Variants in OPTC observed in about 807,000 individuals in gnomAD.
The protein encoded by OPTC is opticin.
In OPTC, 22 loss-of-function variants were observed where a neutral mutation model predicts 25.4. That is an observed-to-expected ratio of 0.87 (90% CI 0.62 to 1.24). OPTC has a LOEUF of 1.24. OPTC is among the 50% of genes most tolerant of loss of function. The pLI, the probability that OPTC is intolerant of heterozygous loss-of-function variation, is 0.00. For missense variants in OPTC, 417 were observed against 425.2 expected (o/e 0.98, Z 0.17); for synonymous variants, 169 against 179.3 (o/e 0.94, Z 0.46).
rs747814 is a variant in OPTC, at chr1:203,498,712, C to T, written c.402C>T (p.Leu134=). Residue 134 remains leucine (L), a synonymous_variant, in exon 4 of 8, where the codon CTC becomes CTT. Coordinates refer to ENST00000367222, the MANE Select transcript of OPTC (RefSeq NM_014359.4). ...GLPTCLVCVC[L]GSSVYCDDID... The stretch of plus-strand genomic sequence containing the variant: ...CCACCTGCCTGGTCTGCGTGTGCCT[C>T]GGTTCCTCTGTGTATTGCGATGACA... 1.8e-3 allele frequency: 2,975 copies of T among 1,614,216 alleles called. 22 individuals are homozygous for T. The African/African-American group carries it at 0.021, about 11-fold the overall frequency.
intron 7 of OPTC, among the ~76,000 whole-genome samples, chr1:203,507,237 C>T (rs1661508926): frequency 6.6e-6 from 1 of 152,174 alleles, no homozygotes; most frequent in South Asian, 2.1e-4. Flanking sequence ...GCAGAGAGCA[C>T]CTCTTTAGCC....
At position 203,503,695 on chromosome 1, in the gene OPTC, G is replaced by A. The variant is rs572106049; in HGVS notation, c.974G>A (p.Arg325Gln). 2.5e-5 allele frequency: 40 copies of A among 1,609,988 alleles called. No homozygotes were observed. In the South Asian group the frequency reaches 2.6e-4, roughly 11 times the overall value. Residue 325 changes from arginine to glutamine, a missense_variant, in exon 7 of 8, where the codon CGG (arginine) becomes CAG (glutamine). Physicochemically the swap from Arg to Gln is conservative, Grantham distance 43 (BLOSUM62 1). Transcript: ENST00000367222. Reference protein sequence around the residue: ...LFPSAYFCLPRLPIGRFT With the variant: ...LFPSAYFCLPQLPIGRFT ...CCCAGCGCCTACTTCTGCCTGCCTC[G>A]GCTCCCCATCGGCCGCTTCACGTAG...
rs775267242 is a variant in OPTC, at chr1:203,502,969, C to G, written c.788C>G (p.Pro263Arg). 6.2e-7 allele frequency: 1 copy of G among 1,613,840 alleles called. No individual in the cohort carries two copies. The highest frequency in any genetic ancestry group is 8.5e-7 in the Non-Finnish European group (1 of 1,180,038). ...YLSDNLLDSI[P>R]GPLPLSLRSV... Reference sequence around the variant, plus strand: ...TCAGACAACCTGCTGGATTCTATCCCGGGGCCTTTGCCCCTGAGCCTGCGC... The same window carrying G: ...TCAGACAACCTGCTGGATTCTATCCGGGGGCCTTTGCCCCTGAGCCTGCGC... Residue 263 changes from proline (P) to arginine (R), a missense_variant, in exon 6 of 8, where the codon CCG (proline) becomes CGG (arginine). Physicochemically the swap from Pro to Arg is moderately radical, Grantham distance 103 (BLOSUM62 -2). Transcript: ENST00000367222.
Position 203,497,133 on chromosome 1 carries a change from T to C in OPTC, c.370+18T>C, listed in dbSNP as rs1446469843. 1 of 1,613,854 alleles carries C rather than the reference T, an allele frequency of 6.2e-7. No homozygotes were observed. Among genetic ancestry groups the C allele is most frequent in the South Asian group, 1.1e-5 (1 of 91,074 alleles). On this transcript the variant is annotated intron_variant, in intron 3 of 7. Transcript: ENST00000367222. ...CAACCATGGTAAGTGCACAGTCACATGGTCGCAATATCCCTAGGTCATAGG... is the reference window on the plus strand; with the variant it reads ...CAACCATGGTAAGTGCACAGTCACACGGTCGCAATATCCCTAGGTCATAGG...
intron 3 of OPTC, among the ~76,000 whole-genome samples, chr1:203,497,887 T>C (rs1320988732): frequency 6.6e-6 from 1 of 152,162 alleles, no homozygotes; most frequent in Non-Finnish European, 1.5e-5. Context: ...CCCTCTGCTC[T>C]ACCCACTCCT....
intron 4 of OPTC, 35 bp from the exon 5 acceptor site, chr1:203,499,614 G>T: frequency 6.4e-7 from 1 of 1,551,286 alleles, no homozygotes. Flanking sequence ...AGTGTGTTCT[G>T]GTTTCTCTCT....
chr1:203,500,492 T>C (rs76159015), intron 5 of OPTC, among the ~76,000 whole-genome samples: 26,774 of 144,948 alleles, frequency 0.18, 3,244 homozygotes, highest in African/African-American at 0.34. Flanking sequence ...TACCCACCTG[T>C]ACCACCCACC....
Position 203,496,960 on chromosome 1 carries a change from CT to C in OPTC, c.232-16del. The C allele has an allele frequency of 6.2e-7, 1 of 1,614,072 alleles. No homozygotes were observed. Among genetic ancestry groups the C allele is most frequent in the Non-Finnish European group, 8.5e-7 (1 of 1,180,000 alleles). On this transcript the variant is annotated splice_polypyrimidine_tract_variant and intron_variant, in intron 2 of 7. Coordinates refer to ENST00000367222, the MANE Select transcript of OPTC (RefSeq NM_014359.4). ...TGCAAAAGCTGGGCTACTGTGTACTCTGTGCTACATCTCCAGGTTAAGGTGA... is the reference window on the plus strand; with the variant it reads ...TGCAAAAGCTGGGCTACTGTGTACTCGTGCTACATCTCCAGGTTAAGGTGA...
In OPTC at chr1:203,498,807, G is replaced by A; in HGVS notation, c.497G>A (p.Ser166Asn). 1 of 1,614,048 alleles carries A rather than the reference G, an allele frequency of 6.2e-7. No homozygotes were observed. The highest frequency in any genetic ancestry group is 8.5e-7 in the Non-Finnish European group (1 of 1,180,020). The change falls in exon 4 of 8, where the codon AGC becomes AAC. Residue 166 changes from serine (S) to asparagine (N), a missense_variant. Physicochemically the swap from Ser to Asn is conservative, Grantham distance 46. Transcript: ENST00000367222. The part of the protein sequence containing the change: ...AYLYARFNRI[S>N]RIRAEDFKGL... ...CTGTATGCACGCTTCAACCGCATCA[G>A]CCGTATCAGGGCCGAAGACTTCAAA...
At chr1:203,508,434 C>T (rs1249592371) in intron 7 of OPTC, among the ~76,000 whole-genome samples, 2 of 152,178 alleles carry the variant, frequency 1.3e-5, no homozygotes, top group Admixed American at 6.5e-5. Flanking sequence ...CACACGGCCC[C>T]CCATCTCTGC....
At position 203,498,801 on chromosome 1, in the gene OPTC, G is replaced by A. The variant is rs201975846; in HGVS notation, c.491G>A (p.Arg164His). The change falls in exon 4 of 8, where the codon CGC (arginine) becomes CAC (histidine). Residue 164 changes from arginine (R) to histidine (H), a missense_variant. Coordinates refer to ENST00000367222, the MANE Select transcript of OPTC (RefSeq NM_014359.4). ...RTAYLYARFN[R>H]ISRIRAEDFK... ...GCCTACCTGTATGCACGCTTCAACC[G>A]CATCAGCCGTATCAGGGCCGAAGAC... 43 of 1,613,872 alleles carry A rather than the reference G, an allele frequency of 2.7e-5. No homozygotes were observed. The highest frequency in any genetic ancestry group is 1.8e-4 in the Admixed American group (11 of 60,006).
At chr1:203,503,288 C>G (rs1238554629) in intron 6 of OPTC, among the ~76,000 whole-genome samples, 1 of 151,938 alleles carries the variant, frequency 6.6e-6, no homozygotes, top group East Asian at 1.9e-4. Flanking sequence ...TTTTTCCTAC[C>G]CTCTGTCTCT....
In OPTC at chr1:203,502,786, C is replaced by A. The variant is rs910494608; in HGVS notation, c.733-128C>A. The A allele has an allele frequency of 5.3e-6, 4 of 754,746 alleles. No homozygotes were observed. In the African/African-American group the frequency reaches 6.8e-5, roughly 13 times the overall value. 46.8% of individuals were successfully genotyped at this position (754,746 alleles called of 1,614,324 possible). A position where few individuals can be genotyped will look rare whatever the true frequency, so the allele number is the denominator to read the frequency against. On this transcript the variant is annotated intron_variant, in intron 5 of 7. Transcript: ENST00000367222. ...CTGTGGCACCCAGCACAGAGCTTGG[C>A]GCATGGCTGAGGCTAAGTGAGCCCT... is the stretch of plus-strand genomic sequence containing the variant.
chr1:203,500,020 AC>A, intron 5 of OPTC, among the ~76,000 whole-genome samples, 169 bp downstream of exon 5: 1 of 28,422 alleles, frequency 3.5e-5, no homozygotes, highest in African/African-American at 1.4e-4. Context: ...CACACCTACC[AC>A]CCACCTACCA....
At chr1:203,496,487 G>A (rs1279920358) in intron 2 of OPTC, among the ~76,000 whole-genome samples, 1 of 152,126 alleles carries the variant, frequency 6.6e-6, no homozygotes, top group African/African-American at 2.4e-5. Context: ...ACTGGGGGAG[G>A]GGTTCGCAAT....
intron 7 of OPTC, 74 bp from the exon 8 acceptor site, chr1:203,508,572 C>G (rs59091898): frequency 6.6e-6 from 1 of 150,738 alleles, no homozygotes; most frequent in Non-Finnish European, 1.5e-5. Flanking sequence ...CAGCTTTCTC[C>G]TCCCACCTCA....
chr1:203,503,006 G>T lies in OPTC; in HGVS notation c.825G>T (p.Leu275=), dbSNP rs1467955629. ...PLPLSLRSVH[L]QNNLIETMQR... Reference sequence around the variant, plus strand: ...CCCTGAGCCTGCGCTCTGTACACCTGCAGGTAAGGAGCACCACCCAGAGCA... The same window carrying T: ...CCCTGAGCCTGCGCTCTGTACACCTTCAGGTAAGGAGCACCACCCAGAGCA... Residue 275 remains leucine (L), a synonymous_variant, in exon 6 of 8, where the codon CTG becomes CTT. Transcript: ENST00000367222. The T allele has an allele frequency of 6.2e-7, 1 of 1,612,334 alleles. No individual in the cohort carries two copies.
rs775912020 is a variant in OPTC at position 203,499,709 on chromosome 1, T to G, written c.590T>G (p.Phe197Cys). ...NLISSIDNDA[F>C]RLLHALQDLI... The stretch of plus-strand genomic sequence containing the variant: ...ATTTCCTCCATCGATAATGATGCCT[T>G]CCGCCTGCTACATGCCCTCCAGGAC... The change falls in exon 5 of 8, where the codon TTC (phenylalanine) becomes TGC (cysteine). Residue 197 changes from phenylalanine to cysteine, a missense_variant. Phe to Cys is a radical substitution (Grantham distance 205). Transcript: ENST00000367222. 3.7e-6 allele frequency: 6 copies of G among 1,613,556 alleles called. No individual in the cohort carries two copies. Among genetic ancestry groups the G allele is most frequent in the Non-Finnish European group, 5.1e-6 (6 of 1,179,930 alleles).
chr1:203,503,011 T>C lies in OPTC; in HGVS notation c.828+2T>C, dbSNP rs1165305114. 1 of 1,610,302 alleles carries C rather than the reference T, an allele frequency of 6.2e-7. No homozygotes were observed. Among genetic ancestry groups the C allele is most frequent in the Non-Finnish European group, 8.5e-7 (1 of 1,176,972 alleles). On this transcript the variant is annotated splice_donor_variant, in intron 6 of 7. Transcript: ENST00000367222. LOFTEE classifies it high-confidence loss of function. ...AGCCTGCGCTCTGTACACCTGCAGG[T>C]AAGGAGCACCACCCAGAGCAAGGGT...
Sources: allele counts gnomAD v4.1 joint callset (sites outside exome capture counted in the v4.1 genomes callset), GRCh38; gene constraint gnomAD v4.1.1; transcripts MANE v1.5; gene names NCBI Gene and HGNC (gene_info 2026-07-23, HGNC 2026-07-21).